Variants in LSAMP observed in about 807,000 individuals in gnomAD.
The protein encoded by LSAMP is limbic system associated membrane protein.
A neutral mutation model predicts 38.6 loss-of-function variants in LSAMP; 7 were observed. The ratio of observed to expected loss-of-function variants is 0.18; its 90% CI spans 0.10 to 0.34. The LOEUF (loss-of-function observed/expected upper bound fraction) is 0.34, where lower values mean the gene tolerates loss of function less well. Among genes scored for constraint, LSAMP ranks in the 10% least tolerant of loss-of-function variants. The pLI is 1.00. For synonymous variants in LSAMP, 154 were observed against 166.8 expected (o/e 0.92, Z 0.59); for missense variants, 313 against 420.0 (o/e 0.75, Z 2.23).
chr3:115,970,363 T>A (rs1938974761), intron 3 of LSAMP, among the ~76,000 whole-genome samples: 1 of 152,194 alleles, frequency 6.6e-6, no homozygotes, highest in Non-Finnish European at 1.5e-5. Context: ...CAGAAAACTT[T>A]AAGGTCTTAT....
At chr3:116,358,865 G>A (rs1462075352) in intron 1 of LSAMP, among the ~76,000 whole-genome samples, 1 of 152,070 alleles carries the variant, frequency 6.6e-6, no homozygotes, top group East Asian at 1.9e-4. Context: ...ACATGTATTT[G>A]GTAATTATTC....
intron 1 of LSAMP, among the ~76,000 whole-genome samples, chr3:116,419,790 G>A (rs2049098255): frequency 6.6e-6 from 1 of 152,102 alleles, no homozygotes; most frequent in South Asian, 2.1e-4. Flanking sequence ...GATGAGATGT[G>A]TATAACTCTG....
At chr3:115,816,534 T>A in intron 6 of LSAMP, 1 of 779,764 alleles carries the variant, frequency 1.3e-6, no homozygotes, top group Non-Finnish European at 1.8e-6. Flanking sequence ...CCACTGAAAC[T>A]CAAGTATATA....
intron 1 of LSAMP, among the ~76,000 whole-genome samples, chr3:116,203,607 A>T (rs2046021833): frequency 1.5e-5 from 2 of 133,676 alleles, no homozygotes; most frequent in East Asian, 4.5e-4. Flanking sequence ...TGTCCATGTG[A>T]TCTCATTGTT....
At chr3:115,954,419 A>T (rs577069766) in intron 3 of LSAMP, among the ~76,000 whole-genome samples, 5 of 152,348 alleles carry the variant, frequency 3.3e-5, no homozygotes, top group Admixed American at 3.3e-4. Context: ...AGGTACAGGG[A>T]TACTACCATA....
At chr3:115,811,543 A>G (rs1164921769) in intron 6 of LSAMP, among the ~76,000 whole-genome samples, 2 of 149,086 alleles carry the variant, frequency 1.3e-5, no homozygotes, top group Non-Finnish European at 3.0e-5. Flanking sequence ...GAGAGTGCGT[A>G]TGCAGATGGA....
intron 1 of LSAMP, among the ~76,000 whole-genome samples, chr3:116,141,959 G>A (rs1241123616): frequency 2.0e-5 from 3 of 151,970 alleles, no homozygotes; most frequent in Non-Finnish European, 2.9e-5. Context: ...AGCAGCAGCT[G>A]ATGAGTCAGT....
chr3:116,108,490 G>C (rs1001639616), intron 1 of LSAMP, among the ~76,000 whole-genome samples: 2 of 152,038 alleles, frequency 1.3e-5, no homozygotes, highest in Non-Finnish European at 2.9e-5. Context: ...ATTAAGAAGG[G>C]GAAGGACTTA....
chr3:116,327,044 T>C (rs2047783131), intron 1 of LSAMP, among the ~76,000 whole-genome samples: 3 of 152,180 alleles, frequency 2.0e-5, no homozygotes, highest in South Asian at 2.1e-4. Flanking sequence ...AGGTTTTTCT[T>C]AGATGTGTCC....
chr3:116,141,417 GA>G (rs34946276), intron 1 of LSAMP, among the ~76,000 whole-genome samples: 81,582 of 151,088 alleles, frequency 0.54, 22,887 homozygotes, highest in East Asian at 0.75. Context: ...ATTATACCTA[GA>G]AAAAAAAAGT....
At chr3:116,011,012 G>GTTTTTTTTTTTTTT (rs1259373730) in intron 3 of LSAMP, among the ~76,000 whole-genome samples, 1 of 147,312 alleles carries the variant, frequency 6.8e-6, no homozygotes, top group Non-Finnish European at 1.5e-5. Context: ...CATAGTTTAT[G>GTTTTTTTTTTTTTT]CTTTTTTTTG....
At chr3:116,402,104 A>T (rs1337775082) in intron 1 of LSAMP, among the ~76,000 whole-genome samples, 1 of 152,220 alleles carries the variant, frequency 6.6e-6, no homozygotes, top group African/African-American at 2.4e-5. Flanking sequence ...TGTGAAAAAC[A>T]TTTGGTGACT....
At chr3:116,416,792 G>GACT (rs956299529) in intron 1 of LSAMP, among the ~76,000 whole-genome samples, 1 of 148,674 alleles carries the variant, frequency 6.7e-6, no homozygotes. Context: ...TAAGGGCAGA[G>GACT]ACTTCTTCTT....
At chr3:116,244,107 C>G (rs1326464163) in intron 1 of LSAMP, among the ~76,000 whole-genome samples, 1 of 152,152 alleles carries the variant, frequency 6.6e-6, no homozygotes, top group Non-Finnish European at 1.5e-5. Context: ...CTCAACTTCC[C>G]TTCCATTTAC....
At chr3:116,123,573 C>T (rs902562723) in intron 1 of LSAMP, among the ~76,000 whole-genome samples, 1 of 152,202 alleles carries the variant, frequency 6.6e-6, no homozygotes, top group African/African-American at 2.4e-5. Flanking sequence ...TTAATTGCTA[C>T]ACTCTTTCCT....
intron 1 of LSAMP, among the ~76,000 whole-genome samples, chr3:116,283,942 G>A (rs912037114): frequency 6.6e-6 from 1 of 152,050 alleles, no homozygotes; most frequent in Non-Finnish European, 1.5e-5. Flanking sequence ...GGAGGCGGAG[G>A]TTGCAGTGAG....
chr3:116,008,231 C>T (rs139814857), intron 3 of LSAMP, among the ~76,000 whole-genome samples: 292 of 152,198 alleles, frequency 1.9e-3, no homozygotes, highest in African/African-American at 6.8e-3. Flanking sequence ...AGTAGGCATT[C>T]GATTATTCAT....
At chr3:116,326,325 G>GT (rs2047772225) in intron 1 of LSAMP, among the ~76,000 whole-genome samples, 1 of 152,010 alleles carries the variant, frequency 6.6e-6, no homozygotes, top group East Asian at 1.9e-4. Flanking sequence ...TAACATAATT[G>GT]TTTTTCCTGG....
At chr3:116,201,392 C>A (rs1045463201) in intron 1 of LSAMP, among the ~76,000 whole-genome samples, 4 of 152,100 alleles carry the variant, frequency 2.6e-5, no homozygotes, top group Admixed American at 6.5e-5. Flanking sequence ...CACCTTTGTA[C>A]CTTTAGTGTC....
Sources: allele counts gnomAD v4.1 joint callset (sites outside exome capture counted in the v4.1 genomes callset), GRCh38; gene constraint gnomAD v4.1.1; transcripts MANE v1.5; gene names NCBI Gene and HGNC (gene_info 2026-07-23, HGNC 2026-07-21).